The following DYNC2I1 variants were observed in gnomAD, a reference collection of about 807,000 sequenced individuals.
DYNC2I1 encodes the protein dynein 2 intermediate chain 1.
DYNC2I1 carries 89 observed loss-of-function variants against 133.4 expected under a neutral mutation model. The observed-to-expected ratio is 0.67, with a 90% CI of 0.56 to 0.80. The LOEUF is 0.80. Among genes scored for constraint, DYNC2I1 ranks in the 30% least tolerant of loss-of-function variants. The pLI is 0.00. For synonymous variants in DYNC2I1, 504 were observed against 484.3 expected (o/e 1.04, Z -0.54); for missense variants, 1,291 against 1,314.5 (o/e 0.98, Z 0.28).
rs754088031 is a variant in DYNC2I1, at chr7:158,879,697, A to G, written c.587A>G (p.Asp196Gly). 2 of 1,584,104 alleles carry G rather than the reference A, an allele frequency of 1.3e-6. No individual in the cohort carries two copies. Among genetic ancestry groups the G allele is most frequent in the South Asian group, 1.1e-5 (1 of 87,448 alleles). ...RYRERKLQYG[D>G]SKDNPLKYWL... ...CGTGTTTTACAGCTGCAGTACGGAG[A>G]CAGCAAGGACAACCCTCTCAAGTAC... Residue 196 changes from aspartate (D) to glycine (G), a missense_variant, in exon 5 of 25, where the codon GAC becomes GGC. By Grantham distance (94) the Asp-to-Gly change is moderately conservative. Coordinates refer to ENST00000407559, the MANE Select transcript of DYNC2I1 (RefSeq NM_018051.5).
chr7:158,873,979 G>A (rs1354950392), intron 3 of DYNC2I1, among the ~76,000 whole-genome samples: 1 of 152,000 alleles, frequency 6.6e-6, no homozygotes. Flanking sequence ...GGCTAGTCTT[G>A]AACTCCTGAG....
chr7:158,914,904 A>G (rs146224962), intron 14 of DYNC2I1, among the ~76,000 whole-genome samples: 3 of 152,368 alleles, frequency 2.0e-5, no homozygotes, highest in African/African-American at 7.2e-5. Context: ...GAGAATGTCT[A>G]AAAGAGTAAT....
chr7:158,941,409 AT>A (rs1197800986), intron 23 of DYNC2I1, among the ~76,000 whole-genome samples: 1 of 152,212 alleles, frequency 6.6e-6, no homozygotes, highest in African/African-American at 2.4e-5. Flanking sequence ...ATTATTGGCC[AT>A]TTTGGAAGAG....
At chr7:158,852,016 C>T (rs1841070229), upstream of DYNC2I1, among the ~76,000 whole-genome samples, 3 of 152,210 alleles carry the variant, frequency 2.0e-5, no homozygotes, top group Non-Finnish European at 4.4e-5. Flanking sequence ...CTCGGGCATT[C>T]CACTGTGCCT....
In DYNC2I1 at chr7:158,869,914, T is replaced by C. The variant is rs1407174870; in HGVS notation, c.69+6T>C. 6.2e-7 allele frequency: 1 copy of C among 1,613,140 alleles called. No individual in the cohort carries two copies. Among genetic ancestry groups the C allele is most frequent in the Non-Finnish European group, 8.5e-7 (1 of 1,179,248 alleles). On this transcript the variant is annotated splice_donor_region_variant and intron_variant, in intron 2 of 24. Coordinates refer to ENST00000407559, the MANE Select transcript of DYNC2I1 (RefSeq NM_018051.5). ...ACCTCAGAAAACATCTCTGGGTAATTATTGTAAAGATTTGGATTGGGATCT... is the reference window on the plus strand; with the variant it reads ...ACCTCAGAAAACATCTCTGGGTAATCATTGTAAAGATTTGGATTGGGATCT...
chr7:158,887,783 A>T (rs999222985), intron 7 of DYNC2I1, among the ~76,000 whole-genome samples: 10 of 152,114 alleles, frequency 6.6e-5, no homozygotes, highest in African/African-American at 2.4e-4. Context: ...ACACACAATC[A>T]TCATCCCTCT....
Position 158,905,992 on chromosome 7 carries a change from C to T in DYNC2I1, c.1361C>T (p.Thr454Ile), listed in dbSNP as rs762800938. The change falls in exon 11 of 25, where the codon ACA (threonine) becomes ATA (isoleucine). Residue 454 changes from threonine to isoleucine, a missense_variant. Coordinates refer to ENST00000407559, the MANE Select transcript of DYNC2I1 (RefSeq NM_018051.5). Reference protein sequence around the residue: ...TEFEKEPRTDTNSSPSRASVC... With the variant: ...TEFEKEPRTDINSSPSRASVC... ...AGTGTTTTTCTCCCTCACACAGATA[C>T]AAACAGTTCCCCTTCCAGAGCCTCT... is the stretch of plus-strand genomic sequence containing the variant. 3.7e-5 allele frequency: 59 copies of T among 1,613,292 alleles called. No individual in the cohort carries two copies. Among genetic ancestry groups the T allele is most frequent in the Non-Finnish European group, 4.4e-5 (52 of 1,179,608 alleles).
intron 23 of DYNC2I1, among the ~76,000 whole-genome samples, chr7:158,939,000 A>G (rs1204001067): frequency 6.6e-6 from 1 of 152,224 alleles, no homozygotes; most frequent in Non-Finnish European, 1.5e-5. Flanking sequence ...TAAGTAATTT[A>G]AAAATATATA....
intron 1 of DYNC2I1, among the ~76,000 whole-genome samples, chr7:158,867,885 G>A (rs531121537): frequency 8.5e-5 from 13 of 152,294 alleles, no homozygotes; most frequent in South Asian, 2.1e-4. Context: ...CCTCCACCCC[G>A]TCCTCCTCAT....
At chr7:158,862,697 C>T (rs1270724790) in intron 1 of DYNC2I1, among the ~76,000 whole-genome samples, 1 of 152,106 alleles carries the variant, frequency 6.6e-6, no homozygotes, top group East Asian at 1.9e-4. Flanking sequence ...GAGTTGGTTC[C>T]TTCTGGTGGG....
chr7:158,849,650 T>C, the DYNC2I1 span, among the ~76,000 whole-genome samples: 1 of 152,208 alleles, frequency 6.6e-6, no homozygotes, highest in Non-Finnish European at 1.5e-5. Context: ...GCAGCTCCGC[T>C]CTGCAGCTGG....
chr7:158,954,777 T>G (rs1371091358), intron 4 of DYNC2I1, among the ~76,000 whole-genome samples: 1 of 152,232 alleles, frequency 6.6e-6, no homozygotes, highest in Non-Finnish European at 1.5e-5. Context: ...CTGAATATTA[T>G]AGCATTTCTA....
At position 158,884,574 on chromosome 7, in the gene DYNC2I1, A is replaced by G; in HGVS notation, c.890A>G (p.His297Arg). ...PRKRESQNGE[H>R]RNRGASSKRD... ...ATTTTTGTTTGATAGAATGGTGAAC[A>G]CAGAAATCGAGGTGCAAGCTCAAAA... The change falls in exon 6 of 25, where the codon CAC (histidine) becomes CGC (arginine). Residue 297 changes from histidine to arginine, a missense_variant. Coordinates refer to ENST00000407559, the MANE Select transcript of DYNC2I1 (RefSeq NM_018051.5). 1 of 1,612,468 alleles carries G rather than the reference A, an allele frequency of 6.2e-7. No homozygotes were observed. The highest frequency in any genetic ancestry group is 1.1e-5 in the South Asian group (1 of 90,682).
chr7:158,920,445 A>T (rs1325566059), intron 15 of DYNC2I1, among the ~76,000 whole-genome samples: 2 of 151,640 alleles, frequency 1.3e-5, no homozygotes, highest in East Asian at 3.9e-4. Flanking sequence ...GGAACACGTG[A>T]AGTATGTGTG....
At chr7:158,941,835 C>T (rs963024685) in intron 23 of DYNC2I1, 90 bp from the exon 24 acceptor site, 3 of 1,427,870 alleles carry the variant, frequency 2.1e-6, no homozygotes, top group East Asian at 2.5e-5. Flanking sequence ...TGTGATTGCA[C>T]CACTGCACTC....
chr7:158,911,289 T>TCACACATGAGGTTCGTGACA (rs1398850344), intron 11 of DYNC2I1, among the ~76,000 whole-genome samples: 1 of 152,094 alleles, frequency 6.6e-6, no homozygotes, highest in Non-Finnish European at 1.5e-5. Flanking sequence ...ATTAGAACGG[T>TCACACATGAGGTTCGTGACA]CACACATGAG....
chr7:158,880,991 C>T (rs891696575), intron 5 of DYNC2I1, among the ~76,000 whole-genome samples: 2 of 152,178 alleles, frequency 1.3e-5, no homozygotes, highest in African/African-American at 4.8e-5. Context: ...GCGCAGGACC[C>T]GGATCTCCTG....
rs1262761344 is a variant in DYNC2I1, at chr7:158,902,588, C to G, written c.1350C>G (p.Pro450=). Residue 450 remains proline, a synonymous_variant, in exon 10 of 25, where the codon CCC becomes CCG. Coordinates refer to ENST00000407559, the MANE Select transcript of DYNC2I1 (RefSeq NM_018051.5). ...KRGRTEFEKE[P]RTDTNSSPSR... ...GTAGAACAGAATTTGAAAAGGAGCC[C>G]AGGACAGGTAAACAAATCAATGCTA... is the stretch of plus-strand genomic sequence containing the variant. The G allele has an allele frequency of 6.2e-7, 1 of 1,613,440 alleles. No individual in the cohort carries two copies. Among genetic ancestry groups the G allele is most frequent in the Admixed American group, 1.7e-5 (1 of 59,876 alleles).
chr7:158,911,748 C>A, intron 12 of DYNC2I1, 69 bp downstream of exon 12: 2 of 1,508,430 alleles, frequency 1.3e-6, no homozygotes, highest in East Asian at 4.6e-5. Flanking sequence ...TTTGTGTCTT[C>A]CTGAATAATG....
Sources: allele counts gnomAD v4.1 joint callset (sites outside exome capture counted in the v4.1 genomes callset), GRCh38; gene constraint gnomAD v4.1.1; transcripts MANE v1.5; gene names NCBI Gene and HGNC (gene_info 2026-07-23, HGNC 2026-07-21).